TTC34: variants seen among roughly 807,000 people sequenced by gnomAD.
The protein encoded by TTC34 is tetratricopeptide repeat domain 34.
In TTC34, 44 loss-of-function variants were observed where a neutral mutation model predicts 40.7. That is an observed-to-expected ratio of 1.08 (90% CI 0.85 to 1.39). The LOEUF is 1.39. Ranked by LOEUF, TTC34 falls within the 40% of genes most tolerant of loss-of-function variation. The pLI is 0.00. For synonymous variants in TTC34, 422 were observed against 398.6 expected, an observed-to-expected ratio of 1.06 and a Z score of -0.70; for missense variants, 884 against 838.0, an observed-to-expected ratio of 1.05 and a Z score of -0.68.
intron 6 of TTC34, among the ~76,000 whole-genome samples, chr1:2,767,813 G>A (rs538980700): frequency 2.7e-5 from 4 of 150,608 alleles, no homozygotes; most frequent in East Asian, 1.9e-4. Context: ...ACACTCCCAG[G>A]TGAGCATCTG....
chr1:2,767,840 C>T (rs1405888553), intron 6 of TTC34, among the ~76,000 whole-genome samples: 4 of 147,882 alleles, frequency 2.7e-5, no homozygotes, highest in African/African-American at 5.0e-5. Context: ...TGGAGCAGCA[C>T]CCACACCCCC....
intron 6 of TTC34, among the ~76,000 whole-genome samples, chr1:2,752,369 ACC>A: frequency 7.7e-6 from 1 of 130,608 alleles, no homozygotes; most frequent in Non-Finnish European, 1.6e-5. Flanking sequence ...CAGCACCCAC[ACC>A]CCCAGGCGAG....
chr1:2,662,330 C>G (rs1639574149), intron 6 of TTC34, among the ~76,000 whole-genome samples: 2 of 89,106 alleles, frequency 2.2e-5, no homozygotes, highest in East Asian at 2.5e-4. Flanking sequence ...CCCAGGTGAG[C>G]ATCCGACAGC....
Position 2,757,930 on chromosome 1 carries a change from A to G in TTC34, c.2226+25679T>C, listed in dbSNP as rs1443472472. ...CCCTGCACCCCCAGGAGAGCATCTG[A>G]CAGCCTGGAACAGCGCGCACACCCC... On this transcript the variant is annotated intron_variant, in intron 6 of 8. Transcript: ENST00000401095. 3.3e-4 allele frequency among the ~76,000 whole-genome samples: 44 copies of G among 134,850 alleles called. No homozygotes were observed. The East Asian group carries it at 8.9e-3, about 27-fold the overall frequency. The allele number at this position is 134,850 out of a possible 152,430, so 88.5% of individuals were successfully genotyped here. A position where few individuals can be genotyped will look rare whatever the true frequency, so the allele number is the denominator to read the frequency against.
chr1:2,798,602 C>CCAGCCTCT (rs1279309417), intron 2 of TTC34, among the ~76,000 whole-genome samples: 2 of 123,324 alleles, frequency 1.6e-5, no homozygotes, highest in Non-Finnish European at 3.4e-5. Flanking sequence ...CCCCAGCCTC[C>CCAGCCTCT]CAGCCTCTCA....
intron 2 of TTC34, among the ~76,000 whole-genome samples, chr1:2,798,382 C>G (rs1243190630): frequency 9.6e-6 from 1 of 104,572 alleles, no homozygotes; most frequent in Non-Finnish European, 1.9e-5. Context: ...AGCCTCCCAG[C>G]CTCTCAGCCC....
chr1:2,641,353 GAGGGTC>G, exon 9 of TTC34: 1 of 1,478,056 alleles, frequency 6.8e-7, no homozygotes, highest in Non-Finnish European at 9.0e-7. Context: ...AGGGCTGGGA[GAGGGTC>G]AGGCCCAGTC....
chr1:2,778,644 G>A lies in TTC34; in HGVS notation c.2226+4965C>T, dbSNP rs77887405. Among the ~76,000 whole-genome samples the A allele has an allele frequency of 8.3e-3, 1,261 of 152,314 alleles. 7 individuals carry two copies. Among genetic ancestry groups the A allele is most frequent in the Non-Finnish European group, 0.014 (929 of 68,024 alleles). On this transcript the variant is annotated intron_variant, in intron 6 of 8. Coordinates refer to ENST00000401095, the Ensembl canonical transcript of TTC34. ...CTGTGGGGGGAGACAGGCAGGGGAG[G>A]GGCCAGGCAACACCTGGGCATATCC...
At chr1:2,783,724 A>G in exon 6 of TTC34, 1 of 1,545,026 alleles carries the variant, frequency 6.5e-7, no homozygotes, top group Non-Finnish European at 8.7e-7. Flanking sequence ...CTTCTGGCCC[A>G]GGAACCCATA....
intron 6 of TTC34, among the ~76,000 whole-genome samples, chr1:2,780,542 G>T (rs1643465853): frequency 6.6e-6 from 1 of 152,130 alleles, no homozygotes; most frequent in Non-Finnish European, 1.5e-5. Context: ...CCCATTGAAT[G>T]GTCTTGGTCA....
At chr1:2,778,239 C>G (rs1254666541) in intron 6 of TTC34, among the ~76,000 whole-genome samples, 2 of 152,242 alleles carry the variant, frequency 1.3e-5, no homozygotes, top group Admixed American at 6.5e-5. Flanking sequence ...ATCAGAAGCC[C>G]TGGCAGGCAC....
chr1:2,791,321 T>G (rs918950071), intron 2 of TTC34, among the ~76,000 whole-genome samples: 3 of 152,198 alleles, frequency 2.0e-5, no homozygotes, highest in Non-Finnish European at 4.4e-5. Context: ...ACGAAGGTGC[T>G]GCAGGGGAGG....
intron 2 of TTC34, among the ~76,000 whole-genome samples, chr1:2,793,460 G>A (rs572232652): frequency 5.6e-4 from 85 of 152,100 alleles, no homozygotes; most frequent in Middle Eastern, 3.4e-3. Context: ...ATAGTTATGG[G>A]CAAAATAGAA....
At chr1:2,798,254 C>A in intron 2 of TTC34, among the ~76,000 whole-genome samples, 1 of 100,022 alleles carries the variant, frequency 1.0e-5, no homozygotes, top group African/African-American at 3.7e-5. Flanking sequence ...AGCCCCTCAG[C>A]TCCCCGGCCC....
intron 6 of TTC34, among the ~76,000 whole-genome samples, chr1:2,750,156 A>ACC (rs1641267942): frequency 1.6e-5 from 2 of 123,958 alleles, no homozygotes; most frequent in South Asian, 2.6e-4. Context: ...GTGGAGCAGA[A>ACC]CAAACACCCC....
rs764297828 is a variant in TTC34 at position 2,783,662 on chromosome 1, C to T, written c.2173G>A (p.Val725Met). 71 of 1,532,106 alleles carry T rather than the reference C, an allele frequency of 4.6e-5. No homozygotes were observed. The highest frequency in any genetic ancestry group is 1.7e-4 in the Middle Eastern group (1 of 5,918). The allele number at this position is 1,532,106 out of a possible 1,614,324, so 94.9% of individuals were successfully genotyped here. A position where few individuals can be genotyped will look rare whatever the true frequency, so the allele number is the denominator to read the frequency against. ...AACGCCCGTCCACACAGTGCCTGCA[C>T]GTTCCCCGGCTCAGCCCGCAGCACT... Residue 725 changes from valine (V) to methionine (M), a missense_variant, in exon 6 of 9, where the codon GTG becomes ATG. Coordinates refer to ENST00000401095, the Ensembl canonical transcript of TTC34.
At chr1:2,637,345 A>C (rs1638814325) in exon 9 of TTC34, 1 of 152,164 alleles carries the variant, frequency 6.6e-6, no homozygotes, top group Non-Finnish European at 1.5e-5. Flanking sequence ...TTCAGGCTTT[A>C]AACTGTCTTT....
chr1:2,640,894 G>C (rs1286699383), exon 9 of TTC34: 2 of 151,480 alleles, frequency 1.3e-5, no homozygotes, highest in East Asian at 3.9e-4. Context: ...TGGTAGAAGG[G>C]ACTGTGAAGC....
chr1:2,694,069 C>A (rs1261339065), intron 6 of TTC34, among the ~76,000 whole-genome samples: 1 of 144,802 alleles, frequency 6.9e-6, no homozygotes, highest in Non-Finnish European at 1.5e-5. Flanking sequence ...CACCCACACA[C>A]CCAGGTGAGC....
Sources: gnomAD v4.1 joint callset for allele counts (sites outside exome capture counted in the v4.1 genomes callset) on GRCh38, gnomAD v4.1.1 for gene constraint, MANE v1.5 for transcripts, NCBI Gene and HGNC (gene_info 2026-07-23, HGNC 2026-07-21) for gene names.